TXLNB: variants seen among roughly 807,000 people sequenced by gnomAD.
The protein encoded by TXLNB is taxilin beta.
Under a neutral mutation model 57.4 loss-of-function variants are expected in TXLNB, and 37 were observed. The ratio of observed to expected loss-of-function variants is 0.64; its 90% confidence interval spans 0.50 to 0.85. The LOEUF (loss-of-function observed/expected upper bound fraction) is 0.85. Among genes scored for constraint, TXLNB ranks in the 40% least tolerant of loss-of-function variants. TXLNB has a pLI of 0.00. For synonymous variants in TXLNB, 302 were observed against 309.6 expected, an observed-to-expected ratio of 0.98 and a Z score of 0.26; for missense variants, 848 against 825.6, an observed-to-expected ratio of 1.03 and a Z score of -0.33.
At chr6:139,215,231 G>T in the TXLNB span, among the ~76,000 whole-genome samples, 10 of 146,734 alleles carry the variant, frequency 6.8e-5, no homozygotes, top group Non-Finnish European at 1.0e-4. Context: ...CAAACTATAC[G>T]ACAAGGCTAC....
chr6:139,314,072 C>T, the TXLNB span, among the ~76,000 whole-genome samples: 1 of 152,142 alleles, frequency 6.6e-6, no homozygotes, highest in Non-Finnish European at 1.5e-5. Context: ...ATGGCAGGCC[C>T]TGAAAGAAAT....
At chr6:139,300,905 G>A in the TXLNB span, among the ~76,000 whole-genome samples, 3 of 152,030 alleles carry the variant, frequency 2.0e-5, no homozygotes, top group Non-Finnish European at 2.9e-5. Flanking sequence ...AAAAAAAAAG[G>A]GAATAACTTC....
At chr6:139,177,277 G>A in the TXLNB span, 2 of 496,048 alleles carry the variant, frequency 4.0e-6, no homozygotes, top group South Asian at 6.4e-5. This position sits in a 1 kb window ranked among gnomAD's most constrained non-coding sequence, Gnocchi z 4.9. Flanking sequence ...TGATTCCCGA[G>A]TGTTAATCTG....
At chr6:139,177,663 T>C in the TXLNB span, 4 of 152,644 alleles carry the variant, frequency 2.6e-5, no homozygotes, top group African/African-American at 9.7e-5. This position sits in a 1 kb window ranked among gnomAD's most constrained non-coding sequence, Gnocchi z 4.9. Context: ...TCTATCACTA[T>C]TGTAATTTGC....
chr6:139,204,513 A>C, the TXLNB span, among the ~76,000 whole-genome samples: 1 of 152,200 alleles, frequency 6.6e-6, no homozygotes, highest in Non-Finnish European at 1.5e-5. Flanking sequence ...GGGAGGGGTC[A>C]CAGGGTGAAA....
At chr6:139,277,023 G>A (rs1349580600) in intron 2 of TXLNB, 102 bp from the exon 3 acceptor site, 1 of 801,820 alleles carries the variant, frequency 1.2e-6, no homozygotes, top group Non-Finnish European at 1.9e-6. Flanking sequence ...CCCAACCTTG[G>A]CTAAGCCATT....
chr6:139,254,587 G>A (rs1433445916), intron 7 of TXLNB, among the ~76,000 whole-genome samples: 2 of 152,122 alleles, frequency 1.3e-5, no homozygotes, highest in African/African-American at 2.4e-5. Flanking sequence ...GGGTAAGATG[G>A]GTAGGTCTGG....
At position 139,262,642 on chromosome 6, in the gene TXLNB, C is replaced by T; in HGVS notation, c.819G>A (p.Gln273=). ...QQSERNMKLC[Q]ENTELAEKLK... ...GCTTTTCTGCAAGCTCTGTGTTCTC[C>T]TGACAGAGCTTCATATTTCGCTCAC... is the stretch of plus-strand genomic sequence containing the variant. The change falls in exon 5 of 10, where the codon CAG becomes CAA. Residue 273 remains glutamine (Q), a synonymous_variant. Coordinates refer to ENST00000358430, the MANE Select transcript of TXLNB (RefSeq NM_153235.4). The T allele has an allele frequency of 2.5e-6, 4 of 1,614,148 alleles. No individual in the cohort carries two copies. The highest frequency in any genetic ancestry group is 3.4e-6 in the Non-Finnish European group (4 of 1,180,024).
intron 9 of TXLNB, 83 bp from the exon 10 acceptor site, chr6:139,243,397 A>G (rs1775999953): frequency 7.1e-7 from 1 of 1,400,294 alleles, no homozygotes. Flanking sequence ...TCTGGAAACA[A>G]GCAAAACTAT....
the TXLNB span, among the ~76,000 whole-genome samples, chr6:139,310,780 C>T: frequency 5.3e-5 from 8 of 152,180 alleles, no homozygotes; most frequent in Non-Finnish European, 1.0e-4. Context: ...CTGCAACCTC[C>T]GCCTCCCGGA....
chr6:139,313,491 A>AGCT, the TXLNB span, among the ~76,000 whole-genome samples: 1 of 152,180 alleles, frequency 6.6e-6, no homozygotes, highest in Non-Finnish European at 1.5e-5. Flanking sequence ...GCATGACAGC[A>AGCT]ATTTCAGAAT....
downstream of TXLNB, among the ~76,000 whole-genome samples, chr6:139,238,568 G>A (rs1363464096): frequency 6.6e-6 from 1 of 152,150 alleles, no homozygotes; most frequent in Non-Finnish European, 1.5e-5. Flanking sequence ...CCACCAAAGA[G>A]ACTTAACGTC....
At chr6:139,224,181 T>C in the TXLNB span, among the ~76,000 whole-genome samples, 4 of 148,968 alleles carry the variant, frequency 2.7e-5, no homozygotes, top group East Asian at 2.0e-4. Flanking sequence ...TCATTCTCGG[T>C]AAACTATCGC....
intron 2 of TXLNB, among the ~76,000 whole-genome samples, chr6:139,281,579 C>T (rs1321241223): frequency 1.3e-5 from 1 of 77,060 alleles, no homozygotes; most frequent in Non-Finnish European, 2.1e-5. Flanking sequence ...GACGGAGTCT[C>T]GCTCTGTCGC....
chr6:139,195,053 C>T, the TXLNB span, among the ~76,000 whole-genome samples: 1 of 152,230 alleles, frequency 6.6e-6, no homozygotes, highest in African/African-American at 2.4e-5. Flanking sequence ...ACAGCGTTAG[C>T]TGGGCTTCAT....
At chr6:139,231,439 T>C in the TXLNB span, among the ~76,000 whole-genome samples, 3 of 152,160 alleles carry the variant, frequency 2.0e-5, no homozygotes, top group Non-Finnish European at 2.9e-5. Flanking sequence ...ACACTTTGCT[T>C]AGACTTGTAA....
At chr6:139,316,765 CA>C in the TXLNB span, among the ~76,000 whole-genome samples, 670 of 152,292 alleles carry the variant, frequency 4.4e-3, 5 homozygotes, top group African/African-American at 0.015. Flanking sequence ...ATTCTGGAGT[CA>C]GGGGAAATGC....
chr6:139,212,594 C>T, the TXLNB span, among the ~76,000 whole-genome samples: 1 of 152,142 alleles, frequency 6.6e-6, no homozygotes, highest in Non-Finnish European at 1.5e-5. Context: ...AACCAGCTAA[C>T]ATCATAATGA....
chr6:139,186,417 A>T, the TXLNB span, among the ~76,000 whole-genome samples: 1 of 152,220 alleles, frequency 6.6e-6, no homozygotes, highest in Admixed American at 6.5e-5. Context: ...CAATATTGTT[A>T]GTCATTACGG....
Sources: gnomAD v4.1 joint callset for allele counts (sites outside exome capture counted in the v4.1 genomes callset) on GRCh38, gnomAD v4.1.1 for gene constraint, Gnocchi (gnomAD v3.1) non-coding constraint, MANE v1.5 for transcripts, NCBI Gene and HGNC (gene_info 2026-07-23, HGNC 2026-07-21) for gene names.